Variants in CACNA1E observed in about 807,000 individuals in gnomAD.
The protein encoded by CACNA1E is voltage-dependent R-type calcium channel subunit alpha-1E.
In CACNA1E, 40 loss-of-function variants were observed where a neutral mutation model predicts 259.2. The ratio of observed to expected loss-of-function variants is 0.15; its 90% CI spans 0.12 to 0.20. The LOEUF (loss-of-function observed/expected upper bound fraction) is 0.20, where lower values mean the gene tolerates loss of function less well. Among genes scored for constraint, CACNA1E ranks in the 10% least tolerant of loss-of-function variants. CACNA1E has a pLI of 1.00. For missense variants in CACNA1E, 1,874 were observed against 3,040.1 expected, an observed-to-expected ratio of 0.62 and a Z score of 9.02; for synonymous variants, 1,104 against 1,138.5, an observed-to-expected ratio of 0.97 and a Z score of 0.61.
At chr1:181,407,597 G>C (rs1205658083) in intron 1 of CACNA1E, among the ~76,000 whole-genome samples, 2 of 152,214 alleles carry the variant, frequency 1.3e-5, no homozygotes, top group Non-Finnish European at 2.9e-5. Context: ...GTACATTAGA[G>C]ATTGAGAAGT....
intron 2 of CACNA1E, among the ~76,000 whole-genome samples, chr1:181,416,933 T>C (rs647667): frequency 0.19 from 28,816 of 152,016 alleles, 6,065 homozygotes; most frequent in African/African-American, 0.52. Context: ...TCAGTATCCA[T>C]GTAGATGACC....
intron 3 of CACNA1E, among the ~76,000 whole-genome samples, chr1:181,524,283 T>C (rs933245494): frequency 6.6e-6 from 1 of 152,256 alleles, no homozygotes; most frequent in African/African-American, 2.4e-5. Flanking sequence ...GAAATAATTA[T>C]AAATAAATGG....
intron 25 of CACNA1E, among the ~76,000 whole-genome samples, chr1:181,748,699 T>C (rs60933581): frequency 0.012 from 1,837 of 152,356 alleles, 45 homozygotes; most frequent in African/African-American, 0.042. Context: ...TTTGTGGTTA[T>C]TTTGGTAAAT....
At chr1:181,408,747 G>C (rs778957747) in intron 1 of CACNA1E, among the ~76,000 whole-genome samples, 10 of 152,226 alleles carry the variant, frequency 6.6e-5, no homozygotes, top group Admixed American at 1.3e-4. Context: ...AGAATAAGAA[G>C]AGAAGTAGGT....
rs1170948098 is a variant in CACNA1E, at chr1:181,724,466, C to G, written c.2075-4C>G. 1.2e-6 allele frequency: 2 copies of G among 1,612,580 alleles called. No individual in the cohort carries two copies. Among genetic ancestry groups the G allele is most frequent in the Non-Finnish European group, 1.7e-6 (2 of 1,179,096 alleles). On this transcript the variant is annotated splice_region_variant and splice_polypyrimidine_tract_variant and intron_variant, in intron 16 of 47. Coordinates refer to ENST00000367573, the MANE Select transcript of CACNA1E (RefSeq NM_001205293.3). ...ATTTGCCCATCCTTAATTCATCACCCCAGACACGCTACTGAATGTGTTCTT... is the reference window on the plus strand; with the variant it reads ...ATTTGCCCATCCTTAATTCATCACCGCAGACACGCTACTGAATGTGTTCTT...
In CACNA1E at chr1:181,412,359, C is replaced by T. The variant is rs113152564; in HGVS notation, c.-14-774C>T. Among the ~76,000 whole-genome samples the T allele has an allele frequency of 1.4e-3, 216 of 152,224 alleles. 1 individual carries two copies. Among genetic ancestry groups the T allele is most frequent in the Middle Eastern group, 6.8e-3 (2 of 294 alleles). On this transcript the variant is annotated intron_variant, in intron 1 of 11. Transcript: ENST00000524607. ...GGCTGAGTGAGGAGGATCGCTTGTGCCCAGGAGTTGAGACTAGTCTAGGCA... is the reference window on the plus strand; with the variant it reads ...GGCTGAGTGAGGAGGATCGCTTGTGTCCAGGAGTTGAGACTAGTCTAGGCA...
intron 1 of CACNA1E, among the ~76,000 whole-genome samples, chr1:181,358,145 C>G (rs1381975699): frequency 6.6e-6 from 1 of 152,138 alleles, no homozygotes; most frequent in Non-Finnish European, 1.5e-5. Flanking sequence ...CAGGCCGGGT[C>G]CACAGCTAGC....
chr1:181,590,417 ATAT>A (rs1451597426), intron 6 of CACNA1E, among the ~76,000 whole-genome samples: 47 of 105,476 alleles, frequency 4.5e-4, no homozygotes, highest in South Asian at 4.2e-3. Context: ...AAAAAAAAAA[ATAT>A]ATATATATAT....
In CACNA1E at chr1:181,654,972, G is replaced by C. The variant is rs1224559713; in HGVS notation, c.1055+3531G>C. 2.5e-5 allele frequency among the ~76,000 whole-genome samples: 3 copies of C among 121,634 alleles called. No homozygotes were observed. In the Admixed American group the frequency reaches 3.2e-4, roughly 13 times the overall value. 79.8% of individuals were successfully genotyped at this position (121,634 alleles called of 152,430 possible). ...TGCACTCCAGCCTGGGCGACAGCGA[G>C]ACTCCATCTCAAAAAAAAAAAAAAA... On this transcript the variant is annotated intron_variant, in intron 7 of 47. Coordinates refer to ENST00000367573, the MANE Select transcript of CACNA1E (RefSeq NM_001205293.3).
At chr1:181,447,373 GA>G (rs900170392) in intron 2 of CACNA1E, among the ~76,000 whole-genome samples, 30 of 146,452 alleles carry the variant, frequency 2.0e-4, no homozygotes, top group East Asian at 1.6e-3. Context: ...AAAAAAAAAA[GA>G]AAAAAAAAAT....
At chr1:181,693,395 G>C (rs1651394249) in intron 7 of CACNA1E, among the ~76,000 whole-genome samples, 1 of 152,082 alleles carries the variant, frequency 6.6e-6, no homozygotes, top group African/African-American at 2.4e-5. Flanking sequence ...CAAAGACATG[G>C]AGTCAATCTA....
chr1:181,353,645 G>A (rs1220300254), intron 1 of CACNA1E, among the ~76,000 whole-genome samples: 1 of 152,180 alleles, frequency 6.6e-6, no homozygotes. Context: ...CACTTTGGAT[G>A]AGGCATTAAG....
intron 1 of CACNA1E, among the ~76,000 whole-genome samples, chr1:181,322,753 G>A (rs1044280528): frequency 6.6e-6 from 1 of 152,184 alleles, no homozygotes; most frequent in Non-Finnish European, 1.5e-5. Flanking sequence ...TGAATCACAG[G>A]GCCTTTGTAA....
At chr1:181,672,422 A>G (rs1440677225) in intron 7 of CACNA1E, among the ~76,000 whole-genome samples, 7 of 152,368 alleles carry the variant, frequency 4.6e-5, no homozygotes, top group Admixed American at 3.3e-4. Flanking sequence ...TAGTGGGGAA[A>G]GTTGCCCTAG....
chr1:181,757,060 C>T lies in CACNA1E; in HGVS notation c.4263C>T (p.Leu1421=), dbSNP rs1056405371. The part of the protein sequence containing the change: ...PFFFVNIFVA[L]IIITFQEQGD... ...TCTTTGTCAATATCTTTGTGGCTCTCATCATCATCACCTTCCAGGAGCAAG... is the reference window on the plus strand; with the variant it reads ...TCTTTGTCAATATCTTTGTGGCTCTTATCATCATCACCTTCCAGGAGCAAG... Residue 1421 remains leucine, a synonymous_variant, in exon 30 of 48, where the codon CTC becomes CTT. Transcript: ENST00000367573. 6.2e-7 allele frequency: 1 copy of T among 1,613,058 alleles called. No individual in the cohort carries two copies. The highest frequency in any genetic ancestry group is 1.3e-5 in the African/African-American group (1 of 75,016).
chr1:181,550,175 A>G (rs1239914251), intron 3 of CACNA1E, among the ~76,000 whole-genome samples: 2 of 152,188 alleles, frequency 1.3e-5, no homozygotes, highest in Non-Finnish European at 1.5e-5. Context: ...GATACAAAAA[A>G]TACTTAGGGG....
chr1:181,772,252 G>A, intron 37 of CACNA1E, 21 bp downstream of exon 37: 1 of 1,606,502 alleles, frequency 6.2e-7, no homozygotes. Context: ...TTGTGCTTTT[G>A]CCTTGCTATG....
At chr1:181,482,584 C>A (rs1025716440), upstream of CACNA1E, among the ~76,000 whole-genome samples, 3 of 152,264 alleles carry the variant, frequency 2.0e-5, no homozygotes, top group Non-Finnish European at 4.4e-5. Context: ...AGCTCCTCCC[C>A]CGCTTCTCCC....
intron 7 of CACNA1E, among the ~76,000 whole-genome samples, chr1:181,691,736 G>A (rs1490228702): frequency 6.6e-6 from 1 of 152,122 alleles, no homozygotes; most frequent in East Asian, 1.9e-4. Context: ...AAAGCTGGAA[G>A]CATTCCTCTT....
Sources: gnomAD v4.1 joint callset for allele counts (sites outside exome capture counted in the v4.1 genomes callset) on GRCh38, gnomAD v4.1.1 for gene constraint, MANE v1.5 for transcripts, NCBI Gene and HGNC (gene_info 2026-07-23, HGNC 2026-07-21) for gene names.